CNOT6: variants seen among roughly 807,000 people sequenced by gnomAD.
The protein encoded by CNOT6 is carbon catabolite repression 4 protein.
Under a neutral mutation model 61.2 loss-of-function variants are expected in CNOT6, and 12 were observed. The ratio of observed to expected loss-of-function variants is 0.20; its 90% CI spans 0.13 to 0.32. The LOEUF (loss-of-function observed/expected upper bound fraction) is 0.32, where lower values mean the gene tolerates loss of function less well. Ranked by LOEUF, CNOT6 falls within the 10% of genes least tolerant of loss-of-function variation. The pLI is 1.00. For synonymous variants in CNOT6, 225 were observed against 240.6 expected (o/e 0.94, Z 0.60); for missense variants, 405 against 663.9 (o/e 0.61, Z 4.28).
chr5:180,548,024 G>T (rs949336194), intron 2 of CNOT6, among the ~76,000 whole-genome samples: 1 of 152,172 alleles, frequency 6.6e-6, no homozygotes, highest in Admixed American at 6.5e-5. Flanking sequence ...ATGAGCCACC[G>T]CATCCTGCCC....
At chr5:180,505,582 CTG>C (rs1757098027) in intron 1 of CNOT6, among the ~76,000 whole-genome samples, 1 of 135,714 alleles carries the variant, frequency 7.4e-6, no homozygotes, top group Non-Finnish European at 1.6e-5. Context: ...GAGTCTGGCT[CTG>C]TCGCCCAGTC....
intron 11 of CNOT6, 78 bp from the exon 12 acceptor site, chr5:180,573,908 CAT>C: frequency 1.1e-6 from 1 of 948,292 alleles, no homozygotes; most frequent in African/African-American, 1.6e-5. Context: ...CCAAACATGA[CAT>C]AAAGGCATGT....
chr5:180,527,788 A>C (rs536582508), intron 1 of CNOT6, among the ~76,000 whole-genome samples: 3 of 152,284 alleles, frequency 2.0e-5, no homozygotes, highest in Admixed American at 1.3e-4. Flanking sequence ...ATGGCCTGTT[A>C]GGAACTGGGT....
intron 7 of CNOT6, 82 bp downstream of exon 7, chr5:180,566,059 T>C: frequency 7.8e-7 from 1 of 1,286,704 alleles, no homozygotes; most frequent in Non-Finnish European, 1.1e-6. Flanking sequence ...ACATTTGAAG[T>C]TTTAGCTTCA....
In CNOT6 at chr5:180,575,030, T is replaced by G. The variant is rs1453630938; in HGVS notation, c.*830T>G. The G allele has an allele frequency of 2.0e-5, 3 of 152,652 alleles. No individual in the cohort carries two copies. Among genetic ancestry groups the G allele is most frequent in the African/African-American group, 7.2e-5 (3 of 41,456 alleles). The allele number at this position is 152,652 out of a possible 1,614,324, so 9.5% of individuals were successfully genotyped here. A position where few individuals can be genotyped will look rare whatever the true frequency, so the allele number is the denominator to read the frequency against. Reference sequence around the variant, plus strand: ...GACTGAATGTAATGGTTGATATATGTACATTCTGATATTTTTAAATCTTTA... The same window carrying G: ...GACTGAATGTAATGGTTGATATATGGACATTCTGATATTTTTAAATCTTTA... On this transcript the variant is annotated 3_prime_UTR_variant, in exon 12 of 12. Transcript: ENST00000261951.
At chr5:180,573,076 G>A (rs1165453955) in intron 11 of CNOT6, among the ~76,000 whole-genome samples, 1 of 152,182 alleles carries the variant, frequency 6.6e-6, no homozygotes. Context: ...TTCTTCAGGA[G>A]ACATTGAAGA....
intron 4 of CNOT6, among the ~76,000 whole-genome samples, chr5:180,560,897 G>A (rs150540869): frequency 2.7e-4 from 41 of 152,206 alleles, no homozygotes; most frequent in African/African-American, 9.6e-4. Context: ...AAGCCCCAGA[G>A]ACTTTGTTCT....
In CNOT6 at chr5:180,508,800, T is replaced by TTTAA. The variant is rs764995943; in HGVS notation, c.-3+14052_-3+14055dup. Reference sequence around the variant, plus strand: ...AACATGCCCAGCTAATGTATCTTATTTTAATTAATTAATTAATTTTATTAT... The same window carrying TTTAA: ...AACATGCCCAGCTAATGTATCTTATTTTAATTAATTAATTAATTAATTTTATTAT... On this transcript the variant is annotated intron_variant, in intron 1 of 11. Coordinates refer to ENST00000261951, the MANE Select transcript of CNOT6 (RefSeq NM_001370472.1). 1.2e-4 allele frequency among the ~76,000 whole-genome samples: 17 copies of TTTAA among 146,904 alleles called. No individual in the cohort carries two copies. The Admixed American group carries it at 1.2e-3, about 10-fold the overall frequency.
chr5:180,567,401 C>A (rs970305790), intron 8 of CNOT6, among the ~76,000 whole-genome samples, 159 bp downstream of exon 8: 1 of 152,122 alleles, frequency 6.6e-6, no homozygotes, highest in Non-Finnish European at 1.5e-5. Context: ...TGTTTTTAAT[C>A]ATCAGAAATA....
In CNOT6 at chr5:180,564,782, A is replaced by G. The variant is rs371209774; in HGVS notation, c.559+39A>G. ...TATTTTTTAACTGTTATTTTTGCTC[A>G]GTCTCTATAAGCCTAACAGTATTGT... On this transcript the variant is annotated intron_variant, in intron 6 of 11. Transcript: ENST00000261951. The G allele has an allele frequency of 1.6e-5, 23 of 1,403,374 alleles. No individual in the cohort carries two copies. The African/African-American group carries it at 3.1e-4, about 19-fold the overall frequency. The allele number at this position is 1,403,374 out of a possible 1,614,324, so 86.9% of individuals were successfully genotyped here.
intron 2 of CNOT6, among the ~76,000 whole-genome samples, chr5:180,543,281 G>A (rs1759137745): frequency 6.6e-6 from 1 of 152,062 alleles, no homozygotes; most frequent in African/African-American, 2.4e-5. Context: ...GGATGGTCTC[G>A]ATCTCCTGAC....
intron 1 of CNOT6, among the ~76,000 whole-genome samples, chr5:180,504,665 C>CT (rs1313611478): frequency 7.9e-5 from 12 of 152,236 alleles, no homozygotes; most frequent in African/African-American, 2.4e-4. Context: ...CACTGCTTAC[C>CT]TTTTTAATCT....
At chr5:180,533,170 C>T (rs982631074) in intron 2 of CNOT6, among the ~76,000 whole-genome samples, 7 of 151,786 alleles carry the variant, frequency 4.6e-5, no homozygotes, top group Non-Finnish European at 8.8e-5. Flanking sequence ...GTCTTCTGAC[C>T]CACAGTGAGA....
At chr5:180,547,062 C>T (rs1238343631) in intron 2 of CNOT6, among the ~76,000 whole-genome samples, 3 of 152,124 alleles carry the variant, frequency 2.0e-5, no homozygotes, top group African/African-American at 7.2e-5. Flanking sequence ...CATCAGAAAG[C>T]AAGGAAGTCA....
chr5:180,516,475 C>T (rs1757643547), intron 1 of CNOT6, among the ~76,000 whole-genome samples: 1 of 152,116 alleles, frequency 6.6e-6, no homozygotes, highest in Non-Finnish European at 1.5e-5. Flanking sequence ...CCACCGCGCC[C>T]AGCTCCAAAG....
At chr5:180,548,093 CTGT>C (rs1759405594) in intron 2 of CNOT6, among the ~76,000 whole-genome samples, 1 of 152,160 alleles carries the variant, frequency 6.6e-6, no homozygotes, top group Non-Finnish European at 1.5e-5. Context: ...ACATTTTCTG[CTGT>C]TTTTTCTTGT....
chr5:180,550,120 A>G lies in CNOT6; in HGVS notation c.299+3A>G, dbSNP rs1009067053. 1.9e-6 allele frequency: 3 copies of G among 1,612,752 alleles called. No individual in the cohort carries two copies. The African/African-American group carries it at 4.0e-5, about 22-fold the overall frequency. On this transcript the variant is annotated splice_donor_region_variant and intron_variant, in intron 3 of 11. Coordinates refer to ENST00000261951, the MANE Select transcript of CNOT6 (RefSeq NM_001370472.1). ...CTCGGAAACATGGTATCACTCAGGTATGCAGATTCAACTTAATACATACTA... is the reference window on the plus strand; with the variant it reads ...CTCGGAAACATGGTATCACTCAGGTGTGCAGATTCAACTTAATACATACTA...
At chr5:180,499,990 G>A (rs1257231231) in intron 1 of CNOT6, among the ~76,000 whole-genome samples, 1 of 152,132 alleles carries the variant, frequency 6.6e-6, no homozygotes, top group Non-Finnish European at 1.5e-5. Flanking sequence ...TTCATCTAGT[G>A]TTTATGTGAC....
At chr5:180,549,231 C>G (rs1479765354) in intron 2 of CNOT6, among the ~76,000 whole-genome samples, 3 of 152,158 alleles carry the variant, frequency 2.0e-5, no homozygotes, top group Non-Finnish European at 4.4e-5. Flanking sequence ...GAGATATGAA[C>G]AGCCTCTGAG....
Sources: gnomAD v4.1 joint callset for allele counts (sites outside exome capture counted in the v4.1 genomes callset) on GRCh38, gnomAD v4.1.1 for gene constraint, MANE v1.5 for transcripts, NCBI Gene and HGNC (gene_info 2026-07-23, HGNC 2026-07-21) for gene names.